Variants in MAGEC3 observed in about 807,000 individuals in gnomAD.
The protein encoded by MAGEC3 is melanoma-associated antigen C3.
A neutral mutation model predicts 35.3 loss-of-function variants in MAGEC3; 34 were observed. That is an observed-to-expected ratio of 0.96 (90% CI 0.73 to 1.28). The LOEUF is 1.28. MAGEC3 is among the 50% of genes most tolerant of loss of function. MAGEC3 has a pLI of 0.00. For missense variants in MAGEC3, 561 were observed against 483.6 expected, an observed-to-expected ratio of 1.16 and a Z score of -1.50; for synonymous variants, 202 against 185.6, an observed-to-expected ratio of 1.09 and a Z score of -0.72.
intron 1 of MAGEC3, among the ~76,000 whole-genome samples, chrX:141,844,930 A>AT (rs772371095): frequency 2.7e-5 from 3 of 109,213 alleles, no homozygotes; most frequent in Non-Finnish European, 3.8e-5. Flanking sequence ...GTAATTGGTA[A>AT]TTTTTTTTTA....
rs773176383 is a variant in MAGEC3 at position 141,895,684 on chromosome X, G to A, written c.1123+125G>A. On this transcript the variant is annotated intron_variant, in intron 6 of 7. Transcript: ENST00000298296. ...ATATCAGCCCTCGTAGAGCTCCTCAGTCAGCTCAGGCTGAGCGGCAGTCCT... is the reference window on the plus strand; with the variant it reads ...ATATCAGCCCTCGTAGAGCTCCTCAATCAGCTCAGGCTGAGCGGCAGTCCT... 4.8e-5 allele frequency: 20 copies of A among 414,949 alleles called. No homozygotes were observed. The African/African-American group carries it at 5.4e-4, about 11-fold the overall frequency. The allele number at this position is 414,949 out of a possible 1,213,427, so 34.2% of individuals were successfully genotyped here.
chrX:141,858,012 C>A (rs1020339195), intron 1 of MAGEC3, among the ~76,000 whole-genome samples: 4 of 111,002 alleles, frequency 3.6e-5, no homozygotes, highest in African/African-American at 1.3e-4. Context: ...TGATGGCCAG[C>A]ATTAATTTAC....
intron 4 of MAGEC3, among the ~76,000 whole-genome samples, chrX:141,886,450 G>T (rs1250915584): frequency 9.0e-6 from 1 of 110,765 alleles, no homozygotes; most frequent in Non-Finnish European, 1.9e-5. Context: ...GACACCTCTG[G>T]CCTTCTACTA....
chrX:141,839,018 C>A, intron 1 of MAGEC3: 1 of 214,693 alleles, frequency 4.7e-6, no homozygotes, highest in Non-Finnish European at 6.8e-6. Flanking sequence ...AATCTCCTGG[C>A]AGCTTTCTAT....
chrX:141,896,541 A>G, intron 6 of MAGEC3: 1 of 1,191,728 alleles, frequency 8.4e-7, no homozygotes, highest in Non-Finnish European at 1.1e-6. Flanking sequence ...ATCATAGGTG[A>G]GTTTCTCAGC....
chrX:141,887,467 G>T (rs151328052), intron 4 of MAGEC3, among the ~76,000 whole-genome samples: 52 of 112,326 alleles, frequency 4.6e-4, no homozygotes, highest in African/African-American at 1.6e-3. Context: ...TTCTAGGGGT[G>T]TAGTGGTGTG....
chrX:141,859,052 G>C (rs1223997168), intron 1 of MAGEC3, among the ~76,000 whole-genome samples: 1 of 101,867 alleles, frequency 9.8e-6, no homozygotes, highest in Non-Finnish European at 2.0e-5. Flanking sequence ...AACCCCAAAT[G>C]AATGACCATT....
intron 1 of MAGEC3, among the ~76,000 whole-genome samples, chrX:141,846,562 A>G (rs1376052305): frequency 1.8e-5 from 2 of 110,930 alleles, no homozygotes; most frequent in Admixed American, 1.9e-4. Context: ...CTCTTAACTC[A>G]CAAACTCATT....
intron 3 of MAGEC3, among the ~76,000 whole-genome samples, chrX:141,880,239 C>A (rs2017952843): frequency 8.9e-6 from 1 of 111,842 alleles, no homozygotes; most frequent in African/African-American, 3.3e-5. Flanking sequence ...CCCAACTGCC[C>A]CCGTGGTAGA....
rs978357587 is a variant in MAGEC3 at position 141,879,368 on chromosome X, G to C, written c.452G>C (p.Gly151Ala). Residue 151 changes from glycine (G) to alanine (A), a missense_variant, in exon 3 of 8, where the codon GGC becomes GCC. Gly to Ala is a moderately conservative substitution (Grantham distance 60). Coordinates refer to ENST00000298296, the MANE Select transcript of MAGEC3 (RefSeq NM_138702.1). Reference protein sequence around the residue: ...SDLPTWRRGTGYTLSLPAVSP... With the variant: ...SDLPTWRRGTAYTLSLPAVSP... The stretch of plus-strand genomic sequence containing the variant: ...CTTCCAACATGGAGGAGAGGCACAG[G>C]CTACACCCTTTCCCTTCCTGCCGTC... 11 of 1,193,122 alleles carry C rather than the reference G, an allele frequency of 9.2e-6. No individual in the cohort carries two copies. Among genetic ancestry groups the C allele is most frequent in the Non-Finnish European group, 7.9e-6 (7 of 886,654 alleles).
At position 141,845,089 on chromosome X, in the gene MAGEC3, A is replaced by C. The variant is rs1016116110; in HGVS notation, c.123+6651A>C. 8.1e-5 allele frequency among the ~76,000 whole-genome samples: 9 copies of C among 111,183 alleles called. No individual in the cohort carries two copies. The East Asian group carries it at 2.5e-3, about 31-fold the overall frequency. ...TGAGGCACTTTTTCGTACTTGGTTT[A>C]ATTTAGGTATGAATAATGTAAAGTG... On this transcript the variant is annotated intron_variant, in intron 1 of 7. Coordinates refer to ENST00000298296, the MANE Select transcript of MAGEC3 (RefSeq NM_138702.1).
rs371218735 is a variant in MAGEC3 at position 141,897,312 on chromosome X, C to T, written c.1554C>T (p.Pro518=). The change falls in exon 7 of 8, where the codon CCC becomes CCT. Residue 518 remains proline, a synonymous_variant. Transcript: ENST00000298296. ...GCATTGCCCTGACTGATATGGACCCCGACAACCACTCCTATTTCTTTGAAG... is the reference window on the plus strand; with the variant it reads ...GCATTGCCCTGACTGATATGGACCCTGACAACCACTCCTATTTCTTTGAAG... The part of the protein sequence containing the change: ...IFGIALTDMD[P]DNHSYFFEDT... 7.5e-5 allele frequency: 91 copies of T among 1,210,058 alleles called. No individual in the cohort carries two copies. Among genetic ancestry groups the T allele is most frequent in the East Asian group, 6.5e-4 (22 of 33,739 alleles).
At chrX:141,877,553 C>T (rs376254286) in intron 2 of MAGEC3, among the ~76,000 whole-genome samples, 7 of 111,406 alleles carry the variant, frequency 6.3e-5, no homozygotes, top group South Asian at 3.8e-4. Flanking sequence ...GAATCACAAA[C>T]GCTTTGTTTC....
intron 1 of MAGEC3, among the ~76,000 whole-genome samples, chrX:141,855,787 A>G (rs768057488): frequency 1.8e-5 from 2 of 111,714 alleles, no homozygotes; most frequent in South Asian, 7.4e-4. Context: ...TCTAACATCC[A>G]TGCATGGGGA....
chrX:141,839,608 A>G, intron 1 of MAGEC3: 38 of 754,154 alleles, frequency 5.0e-5, no homozygotes, highest in Non-Finnish European at 5.9e-5. Flanking sequence ...TTGCTCACCA[A>G]AACAAGTGTT....
intron 4 of MAGEC3, among the ~76,000 whole-genome samples, chrX:141,883,941 T>G (rs2124119200): frequency 8.8e-6 from 1 of 113,473 alleles, no homozygotes; most frequent in East Asian, 2.8e-4. Context: ...AAAATCTTGG[T>G]TTGCAGTGTG....
At chrX:141,895,174 G>A (rs2018077548) in intron 4 of MAGEC3, 95 bp from the exon 5 acceptor site, 1 of 986,546 alleles carries the variant, frequency 1.0e-6, no homozygotes, top group Non-Finnish European at 1.4e-6. Flanking sequence ...GTGGAGTGCG[G>A]GGAAGTGGTC....
At position 141,881,752 on chromosome X, in the gene MAGEC3, T is replaced by G. The variant is rs2017967669; in HGVS notation, c.865T>G (p.Cys289Gly). ...ILSVIFIKGNCASEEVIWEVL... is the reference protein window; with the variant it reads ...ILSVIFIKGNGASEEVIWEVL... Reference sequence around the variant, plus strand: ...GAGTGTGATCTTCATAAAGGGCAACTGTGCATCTGAGGAGGTCATCTGGGA... The same window carrying G: ...GAGTGTGATCTTCATAAAGGGCAACGGTGCATCTGAGGAGGTCATCTGGGA... Residue 289 changes from cysteine to glycine, a missense_variant, in exon 4 of 8, where the codon TGT becomes GGT. Transcript: ENST00000298296. 8.3e-7 allele frequency: 1 copy of G among 1,209,685 alleles called. No homozygotes were observed. Among genetic ancestry groups the G allele is most frequent in the South Asian group, 1.8e-5 (1 of 56,770 alleles).
At chrX:141,896,834 C>T in intron 6 of MAGEC3, 48 bp from the exon 7 acceptor site, 4 of 1,202,900 alleles carry the variant, frequency 3.3e-6, no homozygotes, top group East Asian at 3.0e-5. Context: ...TCCTCATCCT[C>T]ACCCTTGTCC....
Sources: allele counts gnomAD v4.1 joint callset (sites outside exome capture counted in the v4.1 genomes callset), GRCh38; gene constraint gnomAD v4.1.1; transcripts MANE v1.5; gene names NCBI Gene and HGNC (gene_info 2026-07-23, HGNC 2026-07-21).